NTNG1: variants seen among roughly 807,000 people sequenced by gnomAD.
NTNG1 encodes the protein netrin G1.
NTNG1 carries 16 observed loss-of-function variants against 54.0 expected under a neutral mutation model. The ratio of observed to expected loss-of-function variants is 0.30; its 90% CI spans 0.20 to 0.45. The LOEUF (loss-of-function observed/expected upper bound fraction) is 0.45. Ranked by LOEUF, NTNG1 falls within the 20% of genes least tolerant of loss-of-function variation. The pLI is 1.00. For synonymous variants in NTNG1, 255 were observed against 263.1 expected (o/e 0.97, Z 0.30); for missense variants, 530 against 678.7 (o/e 0.78, Z 2.43).
Position 107,341,087 on chromosome 1 carries a change from G to C in NTNG1, c.887+16165G>C, listed in dbSNP as rs1035588779. Among the ~76,000 whole-genome samples, 215 of 152,060 alleles carry C rather than the reference G, an allele frequency of 1.4e-3. 1 individual carries two copies. The highest frequency in any genetic ancestry group is 5.0e-3 in the African/African-American group (208 of 41,496). On this transcript the variant is annotated intron_variant, in intron 3 of 7. Coordinates refer to ENST00000370068, the MANE Select transcript of NTNG1 (RefSeq NM_001113226.3). Reference sequence around the variant, plus strand: ...AAAGATTTCTTGAGGCCAGGAGTTTGAGACCACACTGGACAACATAGCAAG... The same window carrying C: ...AAAGATTTCTTGAGGCCAGGAGTTTCAGACCACACTGGACAACATAGCAAG...
Position 107,395,224 on chromosome 1 carries a change from A to G in NTNG1, c.958A>G (p.Asn320Asp). 1 of 1,613,572 alleles carries G rather than the reference A, an allele frequency of 6.2e-7. No homozygotes were observed. Among genetic ancestry groups the G allele is most frequent in the Non-Finnish European group, 8.5e-7 (1 of 1,179,610 alleles). The stretch of plus-strand genomic sequence containing the variant: ...CAAATTGACATGCGAATGTGAGCAC[A>G]ACACTACAGGTCCAGACTGTGGGAA... Reference protein sequence around the residue: ...NSKLTCECEHNTTGPDCGKCK... With the variant: ...NSKLTCECEHDTTGPDCGKCK... The change falls in exon 4 of 8, where the codon AAC becomes GAC. Residue 320 changes from asparagine to aspartate, a missense_variant. Physicochemically the swap from Asn to Asp is conservative, Grantham distance 23. Coordinates refer to ENST00000370068, the MANE Select transcript of NTNG1 (RefSeq NM_001113226.3).
chr1:107,387,133 A>G (rs1672055849), intron 3 of NTNG1, among the ~76,000 whole-genome samples: 1 of 152,236 alleles, frequency 6.6e-6, no homozygotes, highest in African/African-American at 2.4e-5. Context: ...CATTCCTAAT[A>G]TGTTCTAAAC....
intron 2 of NTNG1, among the ~76,000 whole-genome samples, chr1:107,179,574 C>T (rs540372957): frequency 5.3e-4 from 81 of 151,826 alleles, no homozygotes; most frequent in Non-Finnish European, 4.9e-4. Context: ...TGAACTTCTC[C>T]GAGTAGATTT....
At chr1:107,406,973 C>G (rs1330333506) in intron 4 of NTNG1, among the ~76,000 whole-genome samples, 3 of 152,094 alleles carry the variant, frequency 2.0e-5, no homozygotes, top group African/African-American at 7.2e-5. Flanking sequence ...ACATTTATAC[C>G]AAGTCCAGCC....
At chr1:107,267,625 C>T (rs1345622594) in intron 2 of NTNG1, among the ~76,000 whole-genome samples, 1 of 152,156 alleles carries the variant, frequency 6.6e-6, no homozygotes, top group Non-Finnish European at 1.5e-5. Flanking sequence ...GCCAGGATCC[C>T]TCCCACTACT....
At chr1:107,261,706 G>A (rs561609181) in intron 2 of NTNG1, among the ~76,000 whole-genome samples, 2 of 152,090 alleles carry the variant, frequency 1.3e-5, no homozygotes, top group Non-Finnish European at 2.9e-5. Context: ...AGCCGGGCGT[G>A]GTGGCGGGTG....
At chr1:107,363,341 A>G (rs1169622834) in intron 3 of NTNG1, among the ~76,000 whole-genome samples, 1 of 152,130 alleles carries the variant, frequency 6.6e-6, no homozygotes, top group East Asian at 1.9e-4. Flanking sequence ...AGAAAGCCAC[A>G]TGGAGTATAT....
chr1:107,366,279 G>T lies in NTNG1; in HGVS notation c.888-28875G>T, dbSNP rs72699397. Among the ~76,000 whole-genome samples the T allele has an allele frequency of 2.5e-3, 375 of 152,316 alleles. 3 individuals carry two copies. The highest frequency in any genetic ancestry group is 4.5e-3 in the Non-Finnish European group (306 of 68,030). On this transcript the variant is annotated intron_variant, in intron 3 of 7. Transcript: ENST00000370068. The stretch of plus-strand genomic sequence containing the variant: ...AGCACGACACCAGCTGGCAGTTGCT[G>T]CTATGGAATACTACCTACAAATATA...
chr1:107,369,466 T>C (rs191822808), intron 3 of NTNG1, among the ~76,000 whole-genome samples: 2 of 152,282 alleles, frequency 1.3e-5, no homozygotes, highest in African/African-American at 2.4e-5. Flanking sequence ...TGGTATCTCA[T>C]TGGGATTTTA....
chr1:107,323,821 A>T (rs1342466303), intron 2 of NTNG1, among the ~76,000 whole-genome samples: 1 of 152,118 alleles, frequency 6.6e-6, no homozygotes, highest in Non-Finnish European at 1.5e-5. Flanking sequence ...TGTCTCCCCT[A>T]CAGAACACAG....
intron 2 of NTNG1, among the ~76,000 whole-genome samples, chr1:107,165,710 C>T (rs546539263): frequency 6.6e-6 from 1 of 152,306 alleles, no homozygotes; most frequent in South Asian, 2.1e-4. Flanking sequence ...TAAATTTCTG[C>T]TCTCCACTTT....
intron 3 of NTNG1, among the ~76,000 whole-genome samples, chr1:107,390,447 T>G (rs1345848079): frequency 6.6e-6 from 1 of 152,196 alleles, no homozygotes; most frequent in Admixed American, 6.5e-5. Flanking sequence ...AAGAAGCTCT[T>G]GTTTTGGGTT....
At chr1:107,425,166 T>C (rs1362109152) in intron 5 of NTNG1, among the ~76,000 whole-genome samples, 1 of 148,868 alleles carries the variant, frequency 6.7e-6, no homozygotes, top group Non-Finnish European at 1.5e-5. Context: ...GATATGAGCA[T>C]GAAGAGATGA....
chr1:107,286,812 A>G (rs77832733), intron 2 of NTNG1, among the ~76,000 whole-genome samples: 16 of 152,188 alleles, frequency 1.1e-4, no homozygotes, highest in African/African-American at 2.9e-4. Context: ...ATTTATTACA[A>G]TGTCCATAAT....
intron 3 of NTNG1, among the ~76,000 whole-genome samples, chr1:107,394,100 C>T (rs1217311813): frequency 6.6e-6 from 1 of 151,964 alleles, no homozygotes; most frequent in Non-Finnish European, 1.5e-5. Flanking sequence ...TATCTTGGTT[C>T]TCTACCCCTG....
intron 3 of NTNG1, among the ~76,000 whole-genome samples, chr1:107,388,768 A>G (rs1025978822): frequency 2.6e-5 from 4 of 152,300 alleles, no homozygotes; most frequent in African/African-American, 9.6e-5. Context: ...GTTGTTGCAC[A>G]TCTCCCATTT....
intron 3 of NTNG1, among the ~76,000 whole-genome samples, chr1:107,343,510 T>C (rs1274577655): frequency 1.3e-5 from 2 of 152,080 alleles, no homozygotes; most frequent in Non-Finnish European, 2.9e-5. Flanking sequence ...CCTACTTTTT[T>C]TTTTTTCCTT....
chr1:107,268,535 A>G (rs1215145394), intron 2 of NTNG1, among the ~76,000 whole-genome samples: 1 of 150,104 alleles, frequency 6.7e-6, no homozygotes, highest in African/African-American at 2.5e-5. Context: ...TTATCCCCCA[A>G]CCTCTTAAGG....
chr1:107,278,852 A>G (rs903017218), intron 2 of NTNG1, among the ~76,000 whole-genome samples: 9 of 152,178 alleles, frequency 5.9e-5, no homozygotes, highest in African/African-American at 1.4e-4. Context: ...TAAATTCTCA[A>G]CATGAGAATT....
Sources: allele counts gnomAD v4.1 joint callset (sites outside exome capture counted in the v4.1 genomes callset), GRCh38; gene constraint gnomAD v4.1.1; transcripts MANE v1.5; gene names NCBI Gene and HGNC (gene_info 2026-07-23, HGNC 2026-07-21).